Variants in PHTF1 observed in about 807,000 individuals in gnomAD.
PHTF1 encodes the protein protein PHTF1.
In PHTF1, 88 loss-of-function variants were observed where a neutral mutation model predicts 102.4. That is an observed-to-expected ratio of 0.86 (90% CI 0.72 to 1.03). PHTF1 has a LOEUF of 1.03. PHTF1 is among the 50% of genes least tolerant of loss of function. The pLI is 0.00. For synonymous variants in PHTF1, 289 were observed against 305.2 expected, an observed-to-expected ratio of 0.95 and a Z score of 0.55; for missense variants, 814 against 909.5, an observed-to-expected ratio of 0.89 and a Z score of 1.35.
intron 5 of PHTF1, among the ~76,000 whole-genome samples, chr1:113,729,802 G>A (rs1482257225): frequency 6.6e-6 from 1 of 152,128 alleles, no homozygotes; most frequent in Admixed American, 6.6e-5. Flanking sequence ...GAAGGGTGAT[G>A]GAGACTGCAT....
chr1:113,705,984 A>C lies in PHTF1; in HGVS notation c.1577T>G (p.Ile526Ser). Reference sequence around the variant, plus strand: ...AAAATTAATTATCGACAAAACAATAATAGGTGTAACAGGTGGTGCCCCACA... The same window carrying C: ...AAAATTAATTATCGACAAAACAATACTAGGTGTAACAGGTGGTGCCCCACA... ...LFCGAPPVTP[I>S]IVLSIINFFE... The change falls in exon 13 of 19, where the codon ATT becomes AGT. Residue 526 changes from isoleucine to serine, a missense_variant. Physicochemically the swap from Ile to Ser is moderately radical, Grantham distance 142. Transcript: ENST00000369604. The C allele has an allele frequency of 6.2e-7, 1 of 1,614,050 alleles. No homozygotes were observed. Among genetic ancestry groups the C allele is most frequent in the Non-Finnish European group, 8.5e-7 (1 of 1,179,890 alleles).
At chr1:113,756,985 G>A (rs886673813) in intron 3 of PHTF1, among the ~76,000 whole-genome samples, 3 of 152,076 alleles carry the variant, frequency 2.0e-5, no homozygotes, top group Non-Finnish European at 4.4e-5. Context: ...GGCTAACACA[G>A]TGAAACCCCG....
intron 3 of PHTF1, among the ~76,000 whole-genome samples, chr1:113,743,547 A>G (rs1656747348): frequency 6.6e-6 from 1 of 152,202 alleles, no homozygotes; most frequent in African/African-American, 2.4e-5. Context: ...AACCAGTAAT[A>G]TAGTCATTTA....
chr1:113,726,406 T>A lies in PHTF1; in HGVS notation c.488+12A>T, dbSNP rs1428047891. 6.3e-7 allele frequency: 1 copy of A among 1,584,942 alleles called. No individual in the cohort carries two copies. Among genetic ancestry groups the A allele is most frequent in the East Asian group, 2.2e-5 (1 of 44,490 alleles). ...AGAAAATATACAACTACAGTGTAAT[T>A]TCTCATCTTACCTTCTTCTTCGATT... On this transcript the variant is annotated intron_variant, in intron 6 of 18. Coordinates refer to ENST00000369604, the MANE Select transcript of PHTF1 (RefSeq NM_001323043.2).
At chr1:113,744,654 G>GC (rs1455712733) in intron 3 of PHTF1, among the ~76,000 whole-genome samples, 1 of 152,200 alleles carries the variant, frequency 6.6e-6, no homozygotes, top group Admixed American at 6.5e-5. Flanking sequence ...ATGTGATATA[G>GC]CAAAATGAGG....
chr1:113,727,896 C>A (rs193034143), intron 5 of PHTF1, among the ~76,000 whole-genome samples: 1 of 152,160 alleles, frequency 6.6e-6, no homozygotes, highest in East Asian at 1.9e-4. Context: ...ATCACTTGAG[C>A]CCAGAAGTCG....
intron 7 of PHTF1, among the ~76,000 whole-genome samples, chr1:113,719,934 G>C (rs2636013): frequency 0.77 from 116,541 of 151,608 alleles, 45,752 homozygotes; most frequent in African/African-American, 0.91. Flanking sequence ...GCACTTCTTA[G>C]ATGGTGGCGG....
At chr1:113,717,828 A>G (rs1422629206) in intron 7 of PHTF1, among the ~76,000 whole-genome samples, 1 of 152,138 alleles carries the variant, frequency 6.6e-6, no homozygotes, top group African/African-American at 2.4e-5. Flanking sequence ...CCATGATTCA[A>G]TTACCTCCCC....
rs375079004 is a variant in PHTF1 at position 113,706,652 on chromosome 1, T to C, written c.1340A>G (p.Asn447Ser). Residue 447 changes from asparagine to serine, a missense_variant, in exon 12 of 19, where the codon AAT (asparagine) becomes AGT (serine). Physicochemically the swap from Asn to Ser is conservative, Grantham distance 46. Transcript: ENST00000369604. ...AGACATATCCATCTTTTTGCACTCA[T>C]TCCCCTCCCAGATTATTGCACTAAC... The part of the protein sequence containing the change: ...DRVSAIIWEG[N>S]ECKKMDMSVL... The C allele has an allele frequency of 3.1e-6, 5 of 1,611,206 alleles. No individual in the cohort carries two copies. The South Asian group carries it at 5.5e-5, about 18-fold the overall frequency.
At position 113,706,013 on chromosome 1, in the gene PHTF1, G is replaced by T. The variant is rs1553223253; in HGVS notation, c.1548C>A (p.Leu516=). 1.1e-5 allele frequency: 17 copies of T among 1,614,126 alleles called. No homozygotes were observed. The East Asian group carries it at 3.8e-4, about 36-fold the overall frequency. ...KSISAEEILT[L]FCGAPPVTPI... is the part of the protein sequence containing the mutation. ...GTGTAACAGGTGGTGCCCCACAAAA[G>T]AGAGTCAAGATCTCCTCAGCTGAAA... The change falls in exon 13 of 19, where the codon CTC becomes CTA. Residue 516 remains leucine, a synonymous_variant. Transcript: ENST00000369604.
chr1:113,722,429 ACT>A, intron 7 of PHTF1, among the ~76,000 whole-genome samples: 1 of 152,104 alleles, frequency 6.6e-6, no homozygotes, highest in African/African-American at 2.4e-5. Context: ...ATAGAGCGAG[ACT>A]CTGTCTCAAA....
chr1:113,728,630 T>G (rs1478924818), intron 5 of PHTF1, among the ~76,000 whole-genome samples: 4 of 152,198 alleles, frequency 2.6e-5, no homozygotes, highest in African/African-American at 9.6e-5. Context: ...AAATGGTGGT[T>G]GGGCACTGTG....
rs1358361501 is a variant in PHTF1 at position 113,698,335 on chromosome 1, T to C, written c.2195A>G (p.Tyr732Cys). Reference protein sequence around the residue: ...LYGLTMNPLIYNITRVVILSA... With the variant: ...LYGLTMNPLICNITRVVILSA... ...AAGGATAACTACTCTTGTGATATTG[T>C]AGATTAAGGGATTCATTGTCAGTCC... The change falls in exon 18 of 19, where the codon TAC becomes TGC. Residue 732 changes from tyrosine (Y) to cysteine (C), a missense_variant. Tyr to Cys is a radical substitution (Grantham distance 194). Coordinates refer to ENST00000369604, the MANE Select transcript of PHTF1 (RefSeq NM_001323043.2). 1.9e-6 allele frequency: 3 copies of C among 1,607,500 alleles called. No homozygotes were observed. Among genetic ancestry groups the C allele is most frequent in the African/African-American group, 2.7e-5 (2 of 74,792 alleles).
intron 4 of PHTF1, 82 bp from the exon 5 acceptor site, chr1:113,738,350 G>T: frequency 9.7e-7 from 1 of 1,026,642 alleles, no homozygotes; most frequent in South Asian, 1.6e-5. Flanking sequence ...ATTAAAAATA[G>T]GTGAGTGCAA....
At chr1:113,729,068 C>T (rs1052604979) in intron 5 of PHTF1, among the ~76,000 whole-genome samples, 1 of 152,138 alleles carries the variant, frequency 6.6e-6, no homozygotes, top group Admixed American at 6.5e-5. Flanking sequence ...TACATATACA[C>T]AATGGAGTAC....
rs998639971 is a variant in PHTF1 at position 113,740,302 on chromosome 1, T to C, written c.103-1503A>G. ...CGTGGTATCTCATTGCGGTTTTGATTTGCATTTCCCTGATGATTGGTGGTA... is the reference window on the plus strand; with the variant it reads ...CGTGGTATCTCATTGCGGTTTTGATCTGCATTTCCCTGATGATTGGTGGTA... On this transcript the variant is annotated intron_variant, in intron 3 of 18. Coordinates refer to ENST00000369604, the MANE Select transcript of PHTF1 (RefSeq NM_001323043.2). Among the ~76,000 whole-genome samples, 4 of 152,176 alleles carry C rather than the reference T, an allele frequency of 2.6e-5. 1 individual carries two copies. Among genetic ancestry groups the C allele is most frequent in the Admixed American group, 2.6e-4 (4 of 15,268 alleles).
intron 13 of PHTF1, chr1:113,705,665 G>A: frequency 2.2e-6 from 1 of 459,948 alleles, no homozygotes; most frequent in Non-Finnish European, 3.9e-6. Flanking sequence ...CACTGGCTAA[G>A]CCACTTATTC....
At chr1:113,758,252 A>AAAAAAAAAAC (rs1659185959) in intron 2 of PHTF1, among the ~76,000 whole-genome samples, 1 of 151,560 alleles carries the variant, frequency 6.6e-6, no homozygotes, top group African/African-American at 2.4e-5. Flanking sequence ...AAAAAAAAAA[A>AAAAAAAAAAC]AAATCCACTT....
At chr1:113,702,646 A>AC (rs1649579622) in intron 15 of PHTF1, among the ~76,000 whole-genome samples, 1 of 61,434 alleles carries the variant, frequency 1.6e-5, no homozygotes, top group Non-Finnish European at 3.3e-5. Flanking sequence ...CGGCTACCAG[A>AC]AAAAAAAGGA....
Sources: gnomAD v4.1 joint callset for allele counts (sites outside exome capture counted in the v4.1 genomes callset) on GRCh38, gnomAD v4.1.1 for gene constraint, MANE v1.5 for transcripts, NCBI Gene and HGNC (gene_info 2026-07-23, HGNC 2026-07-21) for gene names.